The following ARAP2 variants were observed in gnomAD, a reference collection of about 807,000 sequenced individuals.
ARAP2 encodes the protein arf-GAP with Rho-GAP domain, ANK repeat and PH domain-containing protein 2.
ARAP2 carries 148 observed loss-of-function variants against 194.5 expected under a neutral mutation model. The ratio of observed to expected loss-of-function variants is 0.76; its 90% CI spans 0.67 to 0.87. ARAP2 has a LOEUF of 0.87. Among genes scored for constraint, ARAP2 ranks in the 40% least tolerant of loss-of-function variants. The pLI is 0.00. For missense variants in ARAP2, 2,128 were observed against 1,989.7 expected (o/e 1.07, Z -1.32); for synonymous variants, 695 against 683.5 (o/e 1.02, Z -0.26).
At chr4:36,014,100 T>A (rs7678281) in intron 8 of ARAP2, among the ~76,000 whole-genome samples, 1 of 150,568 alleles carries the variant, frequency 6.6e-6, no homozygotes, top group South Asian at 2.1e-4. Context: ...TGGTGGTGAG[T>A]GCCTGTAGTG....
chr4:36,140,073 A>G (rs966576164), intron 19 of ARAP2, among the ~76,000 whole-genome samples: 14 of 150,888 alleles, frequency 9.3e-5, no homozygotes, highest in African/African-American at 2.4e-4. Flanking sequence ...TTTTCCTACT[A>G]AAGTCCTTCA....
rs747843966 is a variant in ARAP2 at position 36,124,961 on chromosome 4, T to G, written c.3647A>C (p.Gln1216Pro). The G allele has an allele frequency of 2.5e-6, 4 of 1,603,504 alleles. No homozygotes were observed. Among genetic ancestry groups the G allele is most frequent in the Non-Finnish European group, 2.6e-6 (3 of 1,172,300 alleles). ...TTTTTTAATTCTTTCCTTGTCATCTTGCGTATCTGAAGGGGAAAAAAAAAC... is the reference window on the plus strand; with the variant it reads ...TTTTTTAATTCTTTCCTTGTCATCTGGCGTATCTGAAGGGGAAAAAAAAAC... The part of the protein sequence containing the change: ...YPYWISALDT[Q>P]DDKERIKKYG... The change falls in exon 22 of 33, where the codon CAA becomes CCA. Residue 1216 changes from glutamine to proline, a missense_variant. By Grantham distance (76) the Gln-to-Pro change is moderately conservative. Coordinates refer to ENST00000303965, the MANE Select transcript of ARAP2 (RefSeq NM_015230.4).
chr4:36,100,965 C>CT (rs1428638623), intron 27 of ARAP2, among the ~76,000 whole-genome samples: 2 of 151,964 alleles, frequency 1.3e-5, no homozygotes, highest in African/African-American at 4.8e-5. Context: ...GATGCCGCAT[C>CT]TGTCAATTCA....
At chr4:36,192,174 T>G (rs967691508) in intron 7 of ARAP2, among the ~76,000 whole-genome samples, 3 of 144,222 alleles carry the variant, frequency 2.1e-5, no homozygotes, top group African/African-American at 5.0e-5. Context: ...TTCTGTTTTT[T>G]TTTTTTTTTT....
intron 6 of ARAP2, among the ~76,000 whole-genome samples, chr4:36,205,289 C>T (rs1165403827): frequency 6.6e-6 from 1 of 151,684 alleles, no homozygotes; most frequent in Non-Finnish European, 1.5e-5. Context: ...TAATCCCTAA[C>T]ACTGAAAAGT....
intron 3 of ARAP2, among the ~76,000 whole-genome samples, chr4:36,048,246 T>C (rs1236214132): frequency 6.6e-6 from 1 of 152,208 alleles, no homozygotes; most frequent in African/African-American, 2.4e-5. Flanking sequence ...ATTTCAACTT[T>C]TATTTTAGAT....
intron 1 of ARAP2, among the ~76,000 whole-genome samples, chr4:36,058,686 A>G (rs932889670): frequency 6.6e-6 from 1 of 152,010 alleles, no homozygotes; most frequent in African/African-American, 2.4e-5. Flanking sequence ...TTCATTCAAT[A>G]TATGTTTCAG....
At chr4:36,032,047 A>T (rs773293692) in intron 5 of ARAP2, among the ~76,000 whole-genome samples, 11 of 152,208 alleles carry the variant, frequency 7.2e-5, no homozygotes, top group Non-Finnish European at 1.5e-4. Flanking sequence ...TAAAACAGCA[A>T]GAAAGATTTT....
At chr4:36,161,039 C>T (rs1733788068) in intron 12 of ARAP2, among the ~76,000 whole-genome samples, 1 of 152,076 alleles carries the variant, frequency 6.6e-6, no homozygotes, top group Non-Finnish European at 1.5e-5. Flanking sequence ...GCCTCCATCA[C>T]AGTTAATGAC....
intron 1 of ARAP2, among the ~76,000 whole-genome samples, chr4:36,243,272 G>C (rs1233824150): frequency 5.4e-5 from 8 of 147,302 alleles, no homozygotes; most frequent in East Asian, 4.0e-4. Context: ...TAATAACAAT[G>C]ACATCCTATT....
At chr4:36,129,081 C>T (rs1410291483) in intron 20 of ARAP2, among the ~76,000 whole-genome samples, 1 of 151,932 alleles carries the variant, frequency 6.6e-6, no homozygotes, top group African/African-American at 2.4e-5. Context: ...CTCCATTTCT[C>T]ACTGACAAAA....
intron 5 of ARAP2, among the ~76,000 whole-genome samples, chr4:36,029,532 TAGA>T (rs1718557446): frequency 6.6e-6 from 1 of 152,040 alleles, no homozygotes. Flanking sequence ...ACCTAAAACA[TAGA>T]ATTATATTTT....
chr4:36,070,843 T>C (rs921385918), intron 32 of ARAP2, among the ~76,000 whole-genome samples: 2 of 152,216 alleles, frequency 1.3e-5, no homozygotes, highest in African/African-American at 4.8e-5. Flanking sequence ...GTATTATTCA[T>C]AGTTTAAAGT....
At chr4:36,144,974 GCTTA>G (rs1195754620) in intron 19 of ARAP2, among the ~76,000 whole-genome samples, 1 of 151,768 alleles carries the variant, frequency 6.6e-6, no homozygotes, top group Non-Finnish European at 1.5e-5. Context: ...CTTTTCTCTA[GCTTA>G]CTTTATTGTA....
Position 36,119,719 on chromosome 4 carries a change from CT to C in ARAP2, c.3895-2del. On this transcript the variant is annotated splice_acceptor_variant, in intron 23 of 32. Transcript: ENST00000303965. LOFTEE classifies it high-confidence loss of function. ...TTTGTTTGACTTGATCTTCTTTAAC[CT>C]GTTTAAAATATAATTCGGGACATTC... The C allele has an allele frequency of 6.3e-7, 1 of 1,589,410 alleles. No individual in the cohort carries two copies. The highest frequency in any genetic ancestry group is 8.6e-7 in the Non-Finnish European group (1 of 1,160,692).
At chr4:36,101,324 T>C (rs1577884006) in intron 27 of ARAP2, among the ~76,000 whole-genome samples, 1 of 151,820 alleles carries the variant, frequency 6.6e-6, no homozygotes, top group East Asian at 1.9e-4. Flanking sequence ...CTTCTATCAT[T>C]AAATTATTTA....
At chr4:36,087,420 C>T (rs926773664) in intron 28 of ARAP2, among the ~76,000 whole-genome samples, 3 of 152,038 alleles carry the variant, frequency 2.0e-5, no homozygotes, top group African/African-American at 7.2e-5. Context: ...CTTGAGGTCA[C>T]TGTTATTAAA....
At chr4:36,145,576 C>T (rs544548558) in intron 19 of ARAP2, among the ~76,000 whole-genome samples, 10 of 152,018 alleles carry the variant, frequency 6.6e-5, no homozygotes, top group South Asian at 6.2e-4. Context: ...TTGGGTGCTA[C>T]GGTCACTATT....
chr4:36,223,629 A>T (rs184168299), intron 2 of ARAP2, among the ~76,000 whole-genome samples: 13 of 152,296 alleles, frequency 8.5e-5, no homozygotes, highest in Admixed American at 7.9e-4. Context: ...TATTTAAATT[A>T]GGTAAGTAAT....
Sources: gnomAD v4.1 joint callset for allele counts (sites outside exome capture counted in the v4.1 genomes callset) on GRCh38, gnomAD v4.1.1 for gene constraint, MANE v1.5 for transcripts, NCBI Gene and HGNC (gene_info 2026-07-23, HGNC 2026-07-21) for gene names.